The following SUPT16H variants were observed in gnomAD, a reference collection of about 807,000 sequenced individuals.
SUPT16H encodes SPT16 homolog, facilitates chromatin remodeling subunit.
A neutral mutation model predicts 136.2 loss-of-function variants in SUPT16H; 24 were observed. The observed-to-expected ratio is 0.18, with a 90% CI of 0.13 to 0.25. SUPT16H has a LOEUF of 0.25. SUPT16H is among the 10% of genes least tolerant of loss of function. The pLI, the probability that SUPT16H is intolerant of heterozygous loss-of-function variation, is 1.00. For missense variants in SUPT16H, 623 were observed against 1,270.2 expected, an observed-to-expected ratio of 0.49 and a Z score of 7.74; for synonymous variants, 415 against 428.2, an observed-to-expected ratio of 0.97 and a Z score of 0.38.
chr14:21,375,739 A>C (rs1886887101), intron 1 of SUPT16H, among the ~76,000 whole-genome samples: 1 of 152,144 alleles, frequency 6.6e-6, no homozygotes, highest in Non-Finnish European at 1.5e-5. Flanking sequence ...GACTCCAGGC[A>C]ACTGCCCCAT....
At chr14:21,359,006 T>C (rs1417391490) in intron 19 of SUPT16H, among the ~76,000 whole-genome samples, 4 of 152,054 alleles carry the variant, frequency 2.6e-5, no homozygotes, top group Admixed American at 2.6e-4. Context: ...AGCGTTTCAC[T>C]GTGTTAGCCA....
chr14:21,355,516 A>T (rs928423679), intron 22 of SUPT16H, among the ~76,000 whole-genome samples: 77 of 6,014 alleles, frequency 0.013, no homozygotes, highest in East Asian at 0.059. Flanking sequence ...ATAATAATAA[A>T]AAAAAAAAAA....
intron 1 of SUPT16H, among the ~76,000 whole-genome samples, chr14:21,379,207 G>A (rs962508659): frequency 6.6e-6 from 1 of 152,082 alleles, no homozygotes; most frequent in Non-Finnish European, 1.5e-5. Context: ...AGGCTGGGGT[G>A]GGTGGATTGC....
chr14:21,353,600 CG>C (rs1886369258), intron 24 of SUPT16H, 35 bp from the exon 25 acceptor site: 1 of 1,609,792 alleles, frequency 6.2e-7, no homozygotes, highest in Non-Finnish European at 8.5e-7. Context: ...AGTCATCATG[CG>C]GGAACAGAAT....
chr14:21,363,002 A>C, intron 13 of SUPT16H, 32 bp downstream of exon 13: 1 of 1,613,992 alleles, frequency 6.2e-7, no homozygotes, highest in Non-Finnish European at 8.5e-7. Context: ...CAGAACCCTC[A>C]GATGATCTCA....
chr14:21,360,180 A>AC (rs1886520940), intron 18 of SUPT16H, among the ~76,000 whole-genome samples: 1 of 152,106 alleles, frequency 6.6e-6, no homozygotes, highest in African/African-American at 2.4e-5. Flanking sequence ...GGCGCTGGCC[A>AC]CTACGCCTGG....
rs773845920 is a variant in SUPT16H at position 21,364,925 on chromosome 14, T to C, written c.1135A>G (p.Ile379Val). The C allele has an allele frequency of 5.6e-6, 9 of 1,613,972 alleles. No homozygotes were observed. In the South Asian group the frequency reaches 9.9e-5, roughly 18 times the overall value. The change falls in exon 10 of 26, where the codon ATC becomes GTC. Residue 379 changes from isoleucine to valine, a missense_variant. Transcript: ENST00000216297. ...YKLKKGMVFS[I>V]NLGFSDLTNK... is the part of the protein sequence containing the mutation. The stretch of plus-strand genomic sequence containing the variant: ...GTCAGGTCTGAGAATCCTAAATTGA[T>C]GCTGAAAACCATTCCTAAAACAGCA...
At chr14:21,378,953 GGA>G (rs1467704569) in intron 1 of SUPT16H, among the ~76,000 whole-genome samples, 1 of 152,110 alleles carries the variant, frequency 6.6e-6, no homozygotes, top group African/African-American at 2.4e-5. Context: ...GATAAAAGTT[GGA>G]GAAATAGTGC....
intron 22 of SUPT16H, among the ~76,000 whole-genome samples, chr14:21,355,143 A>C (rs941339453): frequency 2.6e-4 from 40 of 152,220 alleles, no homozygotes; most frequent in African/African-American, 8.9e-4. Flanking sequence ...ATTTCTAAGT[A>C]GTCTTAACTC....
chr14:21,382,783 A>G (rs771515026), intron 1 of SUPT16H, among the ~76,000 whole-genome samples: 13 of 152,228 alleles, frequency 8.5e-5, no homozygotes, highest in African/African-American at 2.7e-4. Context: ...TTTCCTTTTC[A>G]TAAAATGCAA....
At chr14:21,366,653 TCAC>T in intron 7 of SUPT16H, 124 bp from the exon 8 acceptor site, 1 of 663,820 alleles carries the variant, frequency 1.5e-6, no homozygotes, top group South Asian at 1.9e-5. Context: ...AACAGTCCAC[TCAC>T]TTTTTTTTTT....
chr14:21,373,300 A>G (rs759873842), intron 2 of SUPT16H, 38 bp downstream of exon 2: 1 of 1,499,326 alleles, frequency 6.7e-7, no homozygotes, highest in Non-Finnish European at 9.3e-7. Context: ...AGATAATCCA[A>G]CAACTCTAAG....
intron 23 of SUPT16H, 24 bp from the exon 24 acceptor site, chr14:21,353,856 G>C (rs200862860): frequency 4.6e-5 from 73 of 1,591,594 alleles, no homozygotes; most frequent in Non-Finnish European, 5.9e-5. Context: ...GCATAATACT[G>C]ATTTTTTTTT....
chr14:21,369,465 T>C (rs1269344754), intron 5 of SUPT16H, 110 bp from the exon 6 acceptor site: 10 of 1,409,974 alleles, frequency 7.1e-6, no homozygotes, highest in African/African-American at 1.4e-5. Context: ...TCTTAGGAAA[T>C]GATTTATGCG....
At chr14:21,355,847 A>T (rs1028861403) in intron 22 of SUPT16H, among the ~76,000 whole-genome samples, 7 of 152,214 alleles carry the variant, frequency 4.6e-5, no homozygotes, top group African/African-American at 1.7e-4. Flanking sequence ...TTTAGACAAT[A>T]TACACGGCAA....
chr14:21,377,858 A>T (rs1886937387), intron 1 of SUPT16H, among the ~76,000 whole-genome samples: 1 of 152,200 alleles, frequency 6.6e-6, no homozygotes, highest in Non-Finnish European at 1.5e-5. Context: ...TCCTGGCCTT[A>T]AGTGATCTGC....
chr14:21,361,601 G>C (rs1416287518), intron 15 of SUPT16H, among the ~76,000 whole-genome samples: 1 of 152,058 alleles, frequency 6.6e-6, no homozygotes, highest in African/African-American at 2.4e-5. Flanking sequence ...ACAGGCGTGA[G>C]CCACCATGCA....
chr14:21,359,678 GATCCA>G, intron 18 of SUPT16H, 69 bp from the exon 19 acceptor site: 2 of 1,563,280 alleles, frequency 1.3e-6, no homozygotes, highest in Admixed American at 3.7e-5. Flanking sequence ...AAATGGCAGT[GATCCA>G]AACTTGGGCC....
At chr14:21,362,406 G>A (rs1886575828) in intron 14 of SUPT16H, 82 bp from the exon 15 acceptor site, 2 of 1,429,346 alleles carry the variant, frequency 1.4e-6, no homozygotes, top group Non-Finnish European at 1.9e-6. Flanking sequence ...ATTAAGTTAG[G>A]AGTTACAAAT....
Sources: gnomAD v4.1 joint callset for allele counts (sites outside exome capture counted in the v4.1 genomes callset) on GRCh38, gnomAD v4.1.1 for gene constraint, MANE v1.5 for transcripts, NCBI Gene and HGNC (gene_info 2026-07-23, HGNC 2026-07-21) for gene names.